Variants in DTYMK observed in about 807,000 individuals in gnomAD.
The protein encoded by DTYMK is deoxythymidylate kinase, also known as thymidylate kinase.
Under a neutral mutation model 20.3 loss-of-function variants are expected in DTYMK, and 20 were observed. That is an observed-to-expected ratio of 0.99 (90% CI 0.69 to 1.43). The LOEUF (loss-of-function observed/expected upper bound fraction) is 1.43. Among genes scored for constraint, DTYMK ranks in the 40% most tolerant of loss-of-function variants. The pLI is 0.00. For synonymous variants in DTYMK, 148 were observed against 124.4 expected (o/e 1.19, Z -1.27); for missense variants, 320 against 291.1 (o/e 1.10, Z -0.72).
chr2:241,681,536 G>A (rs916427858), intron 2 of DTYMK, among the ~76,000 whole-genome samples: 13 of 151,728 alleles, frequency 8.6e-5, no homozygotes, highest in Non-Finnish European at 1.8e-4. Context: ...ACAAAAAGTG[G>A]GGGAAAAAAA....
In DTYMK at chr2:241,678,666, C is replaced by T. The variant is rs201332894; in HGVS notation, c.331-17G>A. ...GGAAAAATTCTGCCAAGAAAGAACC[C>T]AACAGTTAAAGCTTAGTGTAGTCTA... On this transcript the variant is annotated splice_polypyrimidine_tract_variant and intron_variant, in intron 3 of 4. Transcript: ENST00000305784. 5.6e-6 allele frequency: 9 copies of T among 1,613,650 alleles called. No individual in the cohort carries two copies. The East Asian group carries it at 1.6e-4, about 28-fold the overall frequency.
chr2:241,677,467 G>A (rs978711462), intron 4 of DTYMK, among the ~76,000 whole-genome samples: 1 of 152,268 alleles, frequency 6.6e-6, no homozygotes, highest in African/African-American at 2.4e-5. Context: ...AGTCGGGCTG[G>A]GGCGAGACCC....
At chr2:241,684,351 A>G (rs2069329600) in intron 2 of DTYMK, among the ~76,000 whole-genome samples, 1 of 152,240 alleles carries the variant, frequency 6.6e-6, no homozygotes, top group Non-Finnish European at 1.5e-5. Flanking sequence ...ATTATTAAAA[A>G]TGGTCTCATT....
chr2:241,681,541 A>G (rs768113334), intron 2 of DTYMK, among the ~76,000 whole-genome samples: 5 of 152,074 alleles, frequency 3.3e-5, no homozygotes, highest in Non-Finnish European at 5.9e-5. Flanking sequence ...AAGTGGGGGA[A>G]AAAAAAGACA....
In DTYMK at chr2:241,678,654, C is replaced by G. The variant is rs374227352; in HGVS notation, c.331-5G>C. Reference sequence around the variant, plus strand: ...ACACCAATCTAGGGAAAAATTCTGCCAAGAAAGAACCCAACAGTTAAAGCT... The same window carrying G: ...ACACCAATCTAGGGAAAAATTCTGCGAAGAAAGAACCCAACAGTTAAAGCT... On this transcript the variant is annotated splice_polypyrimidine_tract_variant and splice_region_variant and intron_variant, in intron 3 of 4. Coordinates refer to ENST00000305784, the MANE Select transcript of DTYMK (RefSeq NM_012145.4). 1.2e-6 allele frequency: 2 copies of G among 1,613,852 alleles called. No homozygotes were observed. Among genetic ancestry groups the G allele is most frequent in the Non-Finnish European group, 1.7e-6 (2 of 1,179,964 alleles).
rs1175926252 is a variant in DTYMK, at chr2:241,678,487, G to A, written c.493C>T (p.His165Tyr). Residue 165 changes from histidine (H) to tyrosine (Y), a missense_variant, in exon 4 of 5, where the codon CAC (histidine) becomes TAC (tyrosine). His to Tyr is a moderately conservative substitution (Grantham distance 83, BLOSUM62 2). Coordinates refer to ENST00000305784, the MANE Select transcript of DTYMK (RefSeq NM_012145.4). ...AFQERALRCF[H>Y]QLMKDTTLNW... ...AAAGTCGTGTCTTTCATGAGCTGGTGGAAACACCGGAGCGCCCGCTCCTGG... is the reference window on the plus strand; with the variant it reads ...AAAGTCGTGTCTTTCATGAGCTGGTAGAAACACCGGAGCGCCCGCTCCTGG... 8.1e-6 allele frequency: 13 copies of A among 1,614,042 alleles called. No homozygotes were observed. Among genetic ancestry groups the A allele is most frequent in the Non-Finnish European group, 1.0e-5 (12 of 1,180,048 alleles).
At chr2:241,682,752 T>C (rs898494558) in intron 2 of DTYMK, 10 of 168,312 alleles carry the variant, frequency 5.9e-5, no homozygotes, top group Non-Finnish European at 1.3e-4. Context: ...CGAAACCCCA[T>C]CACTAACTAA....
At position 241,680,294 on chromosome 2, in the gene DTYMK, G is replaced by A; in HGVS notation, c.265C>T (p.Gln89Ter). The part of the protein sequence containing the change: ...QVPLIKEKLS[Q>*]GVTLVVDRYA... ...CTGTCCACGACGAGGGTCACGCCCT[G>A]GCTCAACTTTTCCTTAATTAACGGC... The change falls in exon 3 of 5, where the codon CAG (glutamine) becomes TAG (stop). Residue 89 changes from glutamine to a stop codon, truncating the protein, a stop_gained. Transcript: ENST00000305784. LOFTEE classifies it high-confidence loss of function. The A allele has an allele frequency of 6.2e-7, 1 of 1,614,144 alleles. No individual in the cohort carries two copies. Among genetic ancestry groups the A allele is most frequent in the Admixed American group, 1.7e-5 (1 of 60,014 alleles).
intron 4 of DTYMK, among the ~76,000 whole-genome samples, chr2:241,676,572 A>C (rs1042133827): frequency 7.2e-5 from 11 of 152,168 alleles, no homozygotes; most frequent in Non-Finnish European, 1.5e-5. Flanking sequence ...CCTCCGGGAT[A>C]CCCCACACCT....
chr2:241,683,803 A>C (rs1442959220), intron 2 of DTYMK, among the ~76,000 whole-genome samples: 3 of 152,212 alleles, frequency 2.0e-5, no homozygotes, highest in Non-Finnish European at 2.9e-5. Context: ...CATGCCTGTA[A>C]TCCCAGCACT....
At chr2:241,676,653 G>A (rs2069124037) in intron 4 of DTYMK, among the ~76,000 whole-genome samples, 1 of 152,242 alleles carries the variant, frequency 6.6e-6, no homozygotes, top group African/African-American at 2.4e-5. Context: ...CCTGATGCAG[G>A]AGAAACATGA....
chr2:241,683,102 C>T (rs1404600019), intron 2 of DTYMK, among the ~76,000 whole-genome samples: 2 of 152,044 alleles, frequency 1.3e-5, no homozygotes, highest in African/African-American at 2.4e-5. Flanking sequence ...AAGAGTGGGC[C>T]AAAGCACTCA....
chr2:241,684,396 A>G (rs777118983), intron 2 of DTYMK, among the ~76,000 whole-genome samples: 1 of 152,238 alleles, frequency 6.6e-6, no homozygotes, highest in African/African-American at 2.4e-5. Context: ...CAGCCTTTCC[A>G]AGCAAGACAC....
intron 1 of DTYMK, 58 bp downstream of exon 1, chr2:241,686,596 C>A (rs2069414939): frequency 7.0e-7 from 1 of 1,431,828 alleles, no homozygotes; most frequent in Admixed American, 3.2e-5. Context: ...GAGCAAAGAG[C>A]CCCTGGGAAG....
intron 2 of DTYMK, among the ~76,000 whole-genome samples, chr2:241,681,515 C>T (rs928591779): frequency 4.0e-5 from 6 of 151,830 alleles, no homozygotes; most frequent in African/African-American, 9.7e-5. Context: ...TATAGTGAGA[C>T]CCCGTTCTCC....
At position 241,676,123 on chromosome 2, in the gene DTYMK, T is replaced by C. The variant is rs758839172; in HGVS notation, c.*4A>G. 7 of 1,607,832 alleles carry C rather than the reference T, an allele frequency of 4.4e-6. No homozygotes were observed. In the Admixed American group the frequency reaches 1.2e-4, roughly 27 times the overall value. On this transcript the variant is annotated 3_prime_UTR_variant, in exon 5 of 5. Coordinates refer to ENST00000305784, the MANE Select transcript of DTYMK (RefSeq NM_012145.4). ...GAGAGGCGTCTCCAGTGGGCAGCCT[T>C]GGGTCACTTCCATAGCTCCCCCAGC...
At chr2:241,678,978 C>G (rs1040040300) in intron 3 of DTYMK, among the ~76,000 whole-genome samples, 3 of 152,170 alleles carry the variant, frequency 2.0e-5, no homozygotes, top group African/African-American at 7.2e-5. Context: ...ATGTACAGAA[C>G]CCCTGGAGAC....
chr2:241,680,482 C>A (rs1192786711), intron 2 of DTYMK, among the ~76,000 whole-genome samples, 163 bp from the exon 3 acceptor site: 1 of 152,174 alleles, frequency 6.6e-6, no homozygotes, highest in Non-Finnish European at 1.5e-5. Flanking sequence ...CGAGACCATC[C>A]TGGCTAACAT....
chr2:241,684,080 C>CA (rs939121827), intron 2 of DTYMK, among the ~76,000 whole-genome samples: 30 of 150,434 alleles, frequency 2.0e-4, no homozygotes, highest in African/African-American at 6.1e-4. Context: ...AACAAAACAA[C>CA]AAAAAAAAAC....
Sources: gnomAD v4.1 joint callset for allele counts (sites outside exome capture counted in the v4.1 genomes callset) on GRCh38, gnomAD v4.1.1 for gene constraint, MANE v1.5 for transcripts, NCBI Gene and HGNC (gene_info 2026-07-23, HGNC 2026-07-21) for gene names.